The following SORBS2 variants were observed in gnomAD, a reference collection of about 807,000 sequenced individuals.
SORBS2 encodes the protein sorbin and SH3 domain containing 2.
In SORBS2, 46 loss-of-function variants were observed where a neutral mutation model predicts 97.7. The observed-to-expected ratio is 0.47, with a 90% CI of 0.37 to 0.60. The LOEUF (loss-of-function observed/expected upper bound fraction) is 0.60. SORBS2 is among the 20% of genes least tolerant of loss of function. SORBS2 has a pLI of 0.00. For synonymous variants in SORBS2, 476 were observed against 473.4 expected (o/e 1.01, Z -0.07); for missense variants, 1,316 against 1,282.3 (o/e 1.03, Z -0.40).
intron 8 of SORBS2, among the ~76,000 whole-genome samples, chr4:185,619,453 C>G (rs188634604): frequency 1.3e-5 from 2 of 152,132 alleles, no homozygotes; most frequent in African/African-American, 4.8e-5. Context: ...TCCTCTGGAG[C>G]GGCTACCAGT....
intron 1 of SORBS2, among the ~76,000 whole-genome samples, chr4:185,900,354 G>A (rs889133832): frequency 1.3e-5 from 2 of 152,076 alleles, no homozygotes; most frequent in African/African-American, 2.4e-5. Flanking sequence ...GGTTAACAAC[G>A]GGACTTTCTC....
At chr4:185,658,605 G>A (rs565656725), upstream of SORBS2, among the ~76,000 whole-genome samples, 2 of 151,870 alleles carry the variant, frequency 1.3e-5, no homozygotes, top group South Asian at 4.2e-4. Context: ...ATGTTTCAGG[G>A]TGGGACTCAT....
chr4:185,623,171 C>T lies in SORBS2; in HGVS notation c.1958G>A (p.Gly653Glu), dbSNP rs747340627. ...CAGGATGCTGTTGTCCGGCAAGCTC[C>T]CCCTTTTCTTTTCAGCTTTAATTTG... is the stretch of plus-strand genomic sequence containing the variant. The change falls in exon 7 of 15, where the codon GGG becomes GAG. Residue 653 changes from glycine to glutamate, a missense_variant. Coordinates refer to ENST00000418609, the Ensembl canonical transcript of SORBS2. The surrounding 1 kb of genome is among the most constrained non-coding windows in gnomAD (Gnocchi z 6.4). The T allele has an allele frequency of 6.2e-6, 10 of 1,613,988 alleles. No individual in the cohort carries two copies. The East Asian group carries it at 1.1e-4, about 18-fold the overall frequency.
chr4:185,853,716 C>T (rs1225470249), intron 1 of SORBS2, among the ~76,000 whole-genome samples: 1 of 152,118 alleles, frequency 6.6e-6, no homozygotes. Flanking sequence ...AAATATTATG[C>T]CTCAGACTTG....
intron 12 of SORBS2, among the ~76,000 whole-genome samples, chr4:185,608,958 G>A (rs1183227252): frequency 6.6e-6 from 1 of 151,832 alleles, no homozygotes; most frequent in African/African-American, 2.4e-5. Flanking sequence ...TGACTCCTGT[G>A]TCCTATAGTA....
At position 185,662,260 on chromosome 4, in the gene SORBS2, G is replaced by T; in HGVS notation, c.-45-18C>A. On this transcript the variant is annotated intron_variant, in intron 4 of 20. Transcript: ENST00000284776. ...ATCTGGCTCTGAGAAAAGCGCAAAG[G>T]CATCGAGTTAAATTAGCACATAGTT... 6.3e-7 allele frequency: 1 copy of T among 1,584,730 alleles called. No homozygotes were observed. The highest frequency in any genetic ancestry group is 8.6e-7 in the Non-Finnish European group (1 of 1,164,508).
At chr4:185,603,980 C>G (rs73020280) in intron 12 of SORBS2, among the ~76,000 whole-genome samples, 1 of 152,132 alleles carries the variant, frequency 6.6e-6, no homozygotes, top group East Asian at 1.9e-4. Flanking sequence ...CTGAACCTGC[C>G]GATCGGTGGG....
chr4:185,595,700 C>T (rs1166550675), intron 12 of SORBS2, among the ~76,000 whole-genome samples: 1 of 151,242 alleles, frequency 6.6e-6, no homozygotes, highest in African/African-American at 2.4e-5. Flanking sequence ...CGTGTGTCTA[C>T]ATATCATAGT....
chr4:185,881,030 A>G (rs1236863790), intron 1 of SORBS2, among the ~76,000 whole-genome samples: 1 of 152,212 alleles, frequency 6.6e-6, no homozygotes, highest in Non-Finnish European at 1.5e-5. Context: ...AGGAAGGGAA[A>G]GGAAGAAAAG....
At chr4:185,715,130 C>T (rs2098455523) in intron 2 of SORBS2, among the ~76,000 whole-genome samples, 2 of 152,122 alleles carry the variant, frequency 1.3e-5, no homozygotes, top group African/African-American at 4.8e-5. Context: ...TTTACTTAAT[C>T]ATTAGCTTTA....
intron 12 of SORBS2, among the ~76,000 whole-genome samples, chr4:185,610,028 T>C (rs1238754880): frequency 6.6e-6 from 1 of 152,242 alleles, no homozygotes; most frequent in Non-Finnish European, 1.5e-5. Flanking sequence ...GTGAAATTTG[T>C]ACATGCCTCT....
chr4:185,767,952 A>T (rs2098946301), intron 2 of SORBS2, among the ~76,000 whole-genome samples: 1 of 152,152 alleles, frequency 6.6e-6, no homozygotes, highest in African/African-American at 2.4e-5. Flanking sequence ...CTCTCCTCTG[A>T]ATCTTTGCTG....
chr4:185,596,238 GTTTCA>G (rs2096084490), intron 12 of SORBS2, among the ~76,000 whole-genome samples: 1 of 152,080 alleles, frequency 6.6e-6, no homozygotes, highest in Admixed American at 6.5e-5. Context: ...AAACTGGTTA[GTTTCA>G]TTTCATTGCT....
At chr4:185,736,119 C>T (rs538924090) in intron 2 of SORBS2, among the ~76,000 whole-genome samples, 10 of 152,308 alleles carry the variant, frequency 6.6e-5, no homozygotes, top group Admixed American at 2.0e-4. Context: ...TCTCCACTGC[C>T]GCAGCGCGAG....
chr4:185,734,084 G>T lies in SORBS2; in HGVS notation c.-198+41143C>A, dbSNP rs375889645. 1.3e-5 allele frequency: 2 copies of T among 152,568 alleles called. No homozygotes were observed. The highest frequency in any genetic ancestry group is 2.1e-4 in the South Asian group (1 of 4,818). 9.5% of individuals were successfully genotyped at this position (152,568 alleles called of 1,614,324 possible). On this transcript the variant is annotated intron_variant, in intron 2 of 20. Transcript: ENST00000284776. ...CCCAGGCAGTGGCGGGCGGTTTCCC[G>T]TGAGGACAGCGTACCTTCTGAAGAA...
intron 2 of SORBS2, among the ~76,000 whole-genome samples, chr4:185,731,551 C>CCCCTCCCTCTCTCCCTGCCTCT: frequency 1.7e-5 from 1 of 59,482 alleles, no homozygotes; most frequent in Non-Finnish European, 3.7e-5. Context: ...TGCCTCTCTC[C>CCCCTCCCTCTCTCCCTGCCTCT]CTCCCTCCCT....
At chr4:185,645,951 C>T (rs770863222) in intron 4 of SORBS2, 6 of 152,048 alleles carry the variant, frequency 3.9e-5, no homozygotes, top group Non-Finnish European at 8.8e-5. Context: ...AGTGGTTCTT[C>T]TTAAGTGTAT....
intron 12 of SORBS2, among the ~76,000 whole-genome samples, chr4:185,596,530 CTTTTTT>C (rs58831094): frequency 1.3e-5 from 1 of 77,432 alleles, no homozygotes; most frequent in Non-Finnish European, 2.3e-5. Flanking sequence ...ACCGTCCTTG[CTTTTTT>C]TTTTTTTTTT....
chr4:185,728,886 C>T (rs2098588167), intron 2 of SORBS2, among the ~76,000 whole-genome samples: 1 of 152,208 alleles, frequency 6.6e-6, no homozygotes, highest in Non-Finnish European at 1.5e-5. Context: ...CATCTCCAGC[C>T]CTGGAACTGT....
Sources: allele counts gnomAD v4.1 joint callset (sites outside exome capture counted in the v4.1 genomes callset), GRCh38; gene constraint gnomAD v4.1.1; non-coding constraint Gnocchi (gnomAD v3.1); transcripts MANE v1.5; gene names NCBI Gene and HGNC (gene_info 2026-07-23, HGNC 2026-07-21).